The following RGS12 variants were observed in gnomAD, a reference collection of about 807,000 sequenced individuals.
RGS12 encodes regulator of G-protein signaling 12.
In RGS12, 66 loss-of-function variants were observed where a neutral mutation model predicts 120.1. That is an observed-to-expected ratio of 0.55 (90% CI 0.45 to 0.67). RGS12 has a LOEUF of 0.67. RGS12 is among the 30% of genes least tolerant of loss of function. The pLI is 0.00. For synonymous variants in RGS12, 827 were observed against 804.7 expected, an observed-to-expected ratio of 1.03 and a Z score of -0.47; for missense variants, 1,859 against 1,957.7, an observed-to-expected ratio of 0.95 and a Z score of 0.95.
At position 3,374,307 on chromosome 4, in the gene RGS12, C is replaced by T. The variant is rs79337091; in HGVS notation, c.1999-12109C>T. Among the ~76,000 whole-genome samples the T allele has an allele frequency of 7.9e-5, 12 of 152,318 alleles. No homozygotes were observed. The highest frequency in any genetic ancestry group is 1.2e-4 in the Non-Finnish European group (8 of 68,026). On this transcript the variant is annotated intron_variant, in intron 3 of 17. Transcript: ENST00000336727. This position sits in a 1 kb window ranked among gnomAD's most constrained non-coding sequence, Gnocchi z 6.3. ...CCCTCCGGGTTCCCCTCCTCTCCTC[C>T]GACTCCACTGGCTTTTCACCACTGT...
chr4:3,358,226 A>G (rs1715082268), intron 3 of RGS12, among the ~76,000 whole-genome samples: 2 of 152,036 alleles, frequency 1.3e-5, no homozygotes, highest in African/African-American at 4.8e-5. Context: ...TGTTAGCTCT[A>G]GTAGGTTTTT....
At chr4:3,339,829 G>A (rs1712857256) in intron 2 of RGS12, among the ~76,000 whole-genome samples, 1 of 152,160 alleles carries the variant, frequency 6.6e-6, no homozygotes, top group Non-Finnish European at 1.5e-5. Context: ...CTTTGTGATG[G>A]ATTTGTTTTT....
rs6818397 is a variant in RGS12, at chr4:3,433,158, T to G, written c.4114+2203T>G. On this transcript the variant is annotated intron_variant, in intron 17 of 17. Transcript: ENST00000336727. This position sits in a 1 kb window ranked among gnomAD's most constrained non-coding sequence, Gnocchi z 4.4. ...TGGACTGAGTGCTGACCTGTCCGTT[T>G]TCAGGGTTTAGGAGCTTGGGGGTCA... Among the ~76,000 whole-genome samples, 79,940 of 152,140 alleles carry G rather than the reference T, an allele frequency of 0.53. 22,361 individuals are homozygous for G. The highest frequency in any genetic ancestry group is 0.61 in the Non-Finnish European group (41,153 of 67,966).
chr4:3,352,312 G>C (rs1207348208), intron 3 of RGS12, among the ~76,000 whole-genome samples: 1 of 152,164 alleles, frequency 6.6e-6, no homozygotes, highest in Non-Finnish European at 1.5e-5. Context: ...TGGTTTGAGA[G>C]GAGACTTTCA....
chr4:3,328,401 T>C (rs1392787998), intron 2 of RGS12, among the ~76,000 whole-genome samples: 1 of 152,172 alleles, frequency 6.6e-6, no homozygotes, highest in Non-Finnish European at 1.5e-5. Flanking sequence ...ACAAATACAT[T>C]TTCATCGTAT....
At chr4:3,430,327 G>A in intron 16 of RGS12, 80 bp from the exon 17 acceptor site, 1 of 1,328,884 alleles carries the variant, frequency 7.5e-7, no homozygotes, top group East Asian at 2.3e-5. Context: ...CAGGATGAGA[G>A]CTTTCTAGAA....
chr4:3,425,481 C>T lies in RGS12; in HGVS notation c.3252C>T (p.Pro1084=). ...LLVRLSGEKE[P]LDLGAPISSL... ...TGCCCTAGAGTGGAGAGAAGGAGCC[C>T]CTGGACCTTGGCGCCCCTATATCGA... The change falls in exon 14 of 18, where the codon CCC becomes CCT. Residue 1084 remains proline, a synonymous_variant. Coordinates refer to ENST00000336727, the MANE Select transcript of RGS12 (RefSeq NM_001394154.1). The T allele has an allele frequency of 6.2e-7, 1 of 1,612,216 alleles. No homozygotes were observed. Among genetic ancestry groups the T allele is most frequent in the East Asian group, 2.2e-5 (1 of 44,794 alleles).
At chr4:3,286,429 G>C in the RGS12 span, among the ~76,000 whole-genome samples, 30 of 152,346 alleles carry the variant, frequency 2.0e-4, no homozygotes, top group African/African-American at 7.2e-4. Flanking sequence ...TACATAAAAA[G>C]CAGCTTCTGT....
intron 4 of RGS12, among the ~76,000 whole-genome samples, chr4:3,398,556 G>T (rs1269314273): frequency 6.6e-6 from 1 of 152,096 alleles, no homozygotes. Context: ...AAAAAGAGAA[G>T]TGGCATAACA....
Position 3,379,729 on chromosome 4 carries a change from G to A in RGS12, c.1999-6687G>A, listed in dbSNP as rs553239594. ...AAGGGGGAAAGCCCCTTATAAAACC[G>A]TCAGCTGTCATGAGAACTCACTCAC... On this transcript the variant is annotated intron_variant, in intron 3 of 17. Transcript: ENST00000336727. 1.6e-4 allele frequency among the ~76,000 whole-genome samples: 24 copies of A among 152,176 alleles called. No individual in the cohort carries two copies. In the South Asian group the frequency reaches 3.1e-3, roughly 20 times the overall value.
upstream of RGS12, among the ~76,000 whole-genome samples, chr4:3,288,732 G>A (rs1722953239): frequency 2.0e-5 from 3 of 152,308 alleles, no homozygotes; most frequent in South Asian, 6.2e-4. This position sits in a 1 kb window ranked among gnomAD's most constrained non-coding sequence, Gnocchi z 5.2. Context: ...AGGGCCTTCT[G>A]CAAAGGGATC....
At chr4:3,333,757 G>A (rs773310001) in intron 2 of RGS12, among the ~76,000 whole-genome samples, 6 of 152,094 alleles carry the variant, frequency 3.9e-5, no homozygotes, top group Non-Finnish European at 7.4e-5. Context: ...GTCTTCTAGG[G>A]CAGGTTTTCT....
chr4:3,329,084 A>T (rs1711540761), intron 2 of RGS12, among the ~76,000 whole-genome samples: 1 of 152,128 alleles, frequency 6.6e-6, no homozygotes, highest in South Asian at 2.1e-4. Flanking sequence ...AGGCACAAAG[A>T]CCGAGCTGCA....
At chr4:3,312,133 A>C (rs1043327303) in intron 1 of RGS12, among the ~76,000 whole-genome samples, 1 of 152,190 alleles carries the variant, frequency 6.6e-6, no homozygotes, top group Admixed American at 6.5e-5. Context: ...AGGCGTTCTT[A>C]CTGGTAGCCC....
chr4:3,428,278 C>T (rs1196041230), intron 15 of RGS12, 109 bp downstream of exon 15: 3 of 1,018,312 alleles, frequency 2.9e-6, no homozygotes, highest in Non-Finnish European at 4.7e-6. Flanking sequence ...CACTGTGTGT[C>T]TCCCCCACGC....
intron 15 of RGS12, 177 bp from the exon 16 acceptor site, chr4:3,428,381 G>C (rs767535058): frequency 2.5e-5 from 19 of 761,490 alleles, no homozygotes; most frequent in Non-Finnish European, 4.0e-5. Flanking sequence ...GGGAGTGGTT[G>C]TGCCTTAAAT....
intron 3 of RGS12, among the ~76,000 whole-genome samples, chr4:3,356,364 A>G (rs1714900765): frequency 6.6e-6 from 1 of 152,024 alleles, no homozygotes; most frequent in Non-Finnish European, 1.5e-5. Context: ...CTTTCAATTT[A>G]TTTTAATTGT....
In RGS12 at chr4:3,342,431, G is replaced by A. The variant is rs915862406; in HGVS notation, c.1882-506G>A. ...TTAATAGCCAGTTATTTCCTGCGCC[G>A]GAGTTGGTTGGGTCTTCAGACACCA... On this transcript the variant is annotated intron_variant, in intron 2 of 17. Transcript: ENST00000336727. The A allele has an allele frequency of 1.7e-5, 21 of 1,269,612 alleles. No homozygotes were observed. The East Asian group carries it at 1.7e-4, about 10-fold the overall frequency. The allele number at this position is 1,269,612 out of a possible 1,614,324, so 78.6% of individuals were successfully genotyped here.
rs374990339 is a variant in RGS12 at position 3,317,378 on chromosome 4, G to A, written c.1208G>A (p.Arg403His). 127 of 1,614,064 alleles carry A rather than the reference G, an allele frequency of 7.9e-5. No homozygotes were observed. Among genetic ancestry groups the A allele is most frequent in the East Asian group, 1.1e-4 (5 of 44,876 alleles). Residue 403 changes from arginine (R) to histidine (H), a missense_variant, in exon 2 of 18, where the codon CGC becomes CAC. Transcript: ENST00000336727. ...MGELIEGMRARAFLDGDADAH... is the reference protein window; with the variant it reads ...MGELIEGMRAHAFLDGDADAH... ...GAGCTGATTGAGGGCATGCGGGCCC[G>A]CGCCTTTCTGGACGGGGACGCCGAT... is the stretch of plus-strand genomic sequence containing the variant.
Sources: allele counts gnomAD v4.1 joint callset (sites outside exome capture counted in the v4.1 genomes callset), GRCh38; gene constraint gnomAD v4.1.1; non-coding constraint Gnocchi (gnomAD v3.1); transcripts MANE v1.5; gene names NCBI Gene and HGNC (gene_info 2026-07-23, HGNC 2026-07-21).